The following FGF14 variants were observed in gnomAD, a reference collection of about 807,000 sequenced individuals.
The protein encoded by FGF14 is fibroblast growth factor homologous factor 4.
A neutral mutation model predicts 25.5 loss-of-function variants in FGF14; 5 were observed. That is an observed-to-expected ratio of 0.20 (90% CI 0.10 to 0.41). The LOEUF is 0.41. Among genes scored for constraint, FGF14 ranks in the 10% least tolerant of loss-of-function variants. FGF14 has a pLI of 1.00. For synonymous variants in FGF14, 138 were observed against 118.3 expected, an observed-to-expected ratio of 1.17 and a Z score of -1.08; for missense variants, 222 against 320.1, an observed-to-expected ratio of 0.69 and a Z score of 2.34.
chr13:102,355,870 T>G (rs547154022), intron 1 of FGF14, among the ~76,000 whole-genome samples: 2 of 152,196 alleles, frequency 1.3e-5, no homozygotes, highest in East Asian at 3.9e-4. Flanking sequence ...AATAATGCAA[T>G]TATAGATTAT....
At chr13:102,239,645 A>C (rs910490835) in intron 1 of FGF14, among the ~76,000 whole-genome samples, 6 of 152,202 alleles carry the variant, frequency 3.9e-5, no homozygotes, top group African/African-American at 1.2e-4. Context: ...CCCCTAACCA[A>C]AAGTGGTCCC....
chr13:101,897,162 T>A (rs943973857), intron 1 of FGF14, among the ~76,000 whole-genome samples: 2 of 152,194 alleles, frequency 1.3e-5, no homozygotes, highest in Non-Finnish European at 2.9e-5. Flanking sequence ...AAGATTTACC[T>A]AGGTCCTGGG....
intron 3 of FGF14, chr13:101,802,308 T>G (rs9518560): frequency 0.99 from 200,461 of 202,102 alleles, 99,445 homozygotes; most frequent in East Asian, 1. Flanking sequence ...GAAAGAGAGG[T>G]ATGAGAAGGA....
At chr13:102,371,287 G>C (rs1176521744) in intron 1 of FGF14, among the ~76,000 whole-genome samples, 3 of 152,126 alleles carry the variant, frequency 2.0e-5, no homozygotes, top group Non-Finnish European at 2.9e-5. Flanking sequence ...CCTGTTTCCA[G>C]GATGCCCCTC....
chr13:102,202,618 T>A (rs1462354805), intron 1 of FGF14, among the ~76,000 whole-genome samples: 1 of 152,252 alleles, frequency 6.6e-6, no homozygotes, highest in Non-Finnish European at 1.5e-5. Context: ...TTTCTCATCT[T>A]AGCAGTATGG....
intron 1 of FGF14, among the ~76,000 whole-genome samples, chr13:102,253,100 T>C (rs1318647027): frequency 1.3e-5 from 2 of 152,210 alleles, no homozygotes; most frequent in African/African-American, 4.8e-5. Context: ...TCCAATTCTT[T>C]ACTATTGTGA....
intron 1 of FGF14, among the ~76,000 whole-genome samples, chr13:101,958,371 CT>C (rs2036635672): frequency 1.3e-5 from 2 of 152,238 alleles, no homozygotes; most frequent in African/African-American, 4.8e-5. Flanking sequence ...AAATTGTGAA[CT>C]CATTTCATCA....
At chr13:101,994,459 C>A (rs929842098) in intron 1 of FGF14, among the ~76,000 whole-genome samples, 1 of 151,958 alleles carries the variant, frequency 6.6e-6, no homozygotes, top group African/African-American at 2.4e-5. Context: ...CTTGATAATA[C>A]CTGTTCTTCA....
chr13:101,848,039 T>C (rs572223282), intron 3 of FGF14, among the ~76,000 whole-genome samples: 209 of 152,192 alleles, frequency 1.4e-3, no homozygotes, highest in African/African-American at 4.7e-3. Flanking sequence ...GAAGAAATTT[T>C]AAAATGGTTT....
intron 2 of FGF14, among the ~76,000 whole-genome samples, chr13:101,869,499 C>G (rs1472612378): frequency 1.3e-5 from 2 of 152,120 alleles, no homozygotes; most frequent in African/African-American, 4.8e-5. Context: ...AACGTTATAA[C>G]ATTAAAAAAA....
intron 1 of FGF14, among the ~76,000 whole-genome samples, chr13:101,996,449 G>A (rs1487876362): frequency 6.6e-6 from 1 of 152,120 alleles, no homozygotes; most frequent in African/African-American, 2.4e-5. Context: ...GAGTAATTCA[G>A]GTGAAAAATG....
intron 1 of FGF14, among the ~76,000 whole-genome samples, chr13:102,379,441 T>C (rs2058126880): frequency 6.6e-6 from 1 of 151,716 alleles, no homozygotes; most frequent in African/African-American, 2.4e-5. Context: ...TATTTATATA[T>C]ATGTGTATGT....
intron 1 of FGF14, among the ~76,000 whole-genome samples, chr13:102,364,184 TCTGTAATAA>T (rs2057645228): frequency 6.6e-6 from 1 of 152,244 alleles, no homozygotes; most frequent in Non-Finnish European, 1.5e-5. Flanking sequence ...AATGTGCACA[TCTGTAATAA>T]TGCAATGCAA....
At chr13:101,868,468 A>C (rs1015868696) in intron 3 of FGF14, 1 of 392,266 alleles carries the variant, frequency 2.5e-6, no homozygotes, top group African/African-American at 2.0e-5. Flanking sequence ...AAAAGATTAG[A>C]TTCACGTGTA....
intron 1 of FGF14, among the ~76,000 whole-genome samples, chr13:102,209,556 T>TCCCTTTGGCTGAGAGCATGAGAGC (rs1435983805): frequency 6.6e-6 from 1 of 152,170 alleles, no homozygotes; most frequent in African/African-American, 2.4e-5. Context: ...GCCAGGCAGG[T>TCCCTTTGGCTGAGAGCATGAGAGC]CCCTTTGGCT....
At chr13:102,374,761 A>G (rs2057997649) in intron 1 of FGF14, among the ~76,000 whole-genome samples, 1 of 144,702 alleles carries the variant, frequency 6.9e-6, no homozygotes, top group African/African-American at 2.5e-5. Flanking sequence ...GAATTACGTT[A>G]TACAAAACCA....
intron 1 of FGF14, among the ~76,000 whole-genome samples, chr13:101,976,942 A>G (rs1393258444): frequency 6.6e-6 from 1 of 152,204 alleles, no homozygotes; most frequent in South Asian, 2.1e-4. Flanking sequence ...GTAGTGCCTC[A>G]GTGCATAGCT....
At chr13:101,725,108 T>C (rs1337780878) in intron 4 of FGF14, among the ~76,000 whole-genome samples, 3 of 152,050 alleles carry the variant, frequency 2.0e-5, no homozygotes, top group Admixed American at 2.0e-4. Context: ...TTCTTAACTA[T>C]TTACAAAACA....
chr13:102,140,186 A>G (rs2046590252), intron 1 of FGF14, among the ~76,000 whole-genome samples: 1 of 152,102 alleles, frequency 6.6e-6, no homozygotes, highest in Admixed American at 6.6e-5. Context: ...TAATGGGGAT[A>G]ATAATGGGGT....
Sources: gnomAD v4.1 joint callset for allele counts (sites outside exome capture counted in the v4.1 genomes callset) on GRCh38, gnomAD v4.1.1 for gene constraint, MANE v1.5 for transcripts, NCBI Gene and HGNC (gene_info 2026-07-23, HGNC 2026-07-21) for gene names.